GJE1: variants seen among roughly 807,000 people sequenced by gnomAD.
The protein encoded by GJE1 is gap junction protein epsilon 1, also known as gap junction epsilon-1 protein.
Under a neutral mutation model 6.2 loss-of-function variants are expected in GJE1, and 9 were observed. That is an observed-to-expected ratio of 1.45 (90% CI 0.87 to 2.52). The LOEUF is 2.52. GJE1 is among the 30% of genes most tolerant of loss of function. The pLI is 0.00. For synonymous variants in GJE1, 65 were observed against 30.1 expected (o/e 2.16, Z -3.80); for missense variants, 190 against 87.7 (o/e 2.17, Z -4.66).
intron 1 of GJE1, among the ~76,000 whole-genome samples, 179 bp downstream of exon 1, chr6:142,133,376 C>G (rs913795754): frequency 1.3e-5 from 2 of 152,062 alleles, no homozygotes; most frequent in Admixed American, 1.3e-4. Flanking sequence ...CAGGAAGTGT[C>G]TTTAGATGTT....
At chr6:142,134,236 CTAA>C (rs547485654) in intron 2 of GJE1, among the ~76,000 whole-genome samples, 192 bp downstream of exon 2, 113 of 152,146 alleles carry the variant, frequency 7.4e-4, no homozygotes, top group African/African-American at 2.6e-3. Context: ...TTATTATCTA[CTAA>C]TGTTATCATT....
chr6:142,133,808 G>A (rs569902754), intron 1 of GJE1, 42 bp from the exon 2 acceptor site: 113 of 597,426 alleles, frequency 1.9e-4, no homozygotes, highest in Admixed American at 1.0e-3. Context: ...CTCCTTTAAT[G>A]TTTGTGTTTA....
At chr6:142,134,985 C>T (rs1422284060) in exon 3 of GJE1, 1 of 473,568 alleles carries the variant, frequency 2.1e-6, no homozygotes, top group Non-Finnish European at 3.7e-6. Context: ...TTATCTTACT[C>T]AGTGAGTACA....
At chr6:142,134,607 C>A in exon 3 of GJE1, 1 of 668,290 alleles carries the variant, frequency 1.5e-6, no homozygotes, top group Non-Finnish European at 2.7e-6. Context: ...GTAAAAGCAT[C>A]AATCAAGAAT....
chr6:142,134,552 T>C, exon 3 of GJE1: 1 of 570,510 alleles, frequency 1.8e-6, no homozygotes. Flanking sequence ...TTACAACTAG[T>C]TATTGTCCTG....
At position 142,134,533 on chromosome 6, in the gene GJE1, T is replaced by C. The variant is rs1358645578; in HGVS notation, c.235-6T>C. 3 of 536,198 alleles carry C rather than the reference T, an allele frequency of 5.6e-6. No individual in the cohort carries two copies. The East Asian group carries it at 9.0e-5, about 16-fold the overall frequency. 33.2% of individuals were successfully genotyped at this position (536,198 alleles called of 1,614,324 possible). On this transcript the variant is annotated splice_region_variant and splice_polypyrimidine_tract_variant and intron_variant, in intron 2 of 2. Coordinates refer to ENST00000450456, the Ensembl canonical transcript of GJE1. The stretch of plus-strand genomic sequence containing the variant: ...AGATATTTCTGACATACTTTAGGTG[T>C]TCTAGGCATTACAACTAGTTATTGT...
exon 3 of GJE1, chr6:142,135,025 T>G: frequency 2.3e-6 from 1 of 443,842 alleles, no homozygotes; most frequent in Admixed American, 4.0e-5. Context: ...TCAATGTGTC[T>G]GAAATTTTTG....
exon 2 of GJE1, chr6:142,133,868 A>C (rs1778194596): frequency 1.4e-6 from 1 of 693,800 alleles, no homozygotes; most frequent in African/African-American, 1.8e-5. Flanking sequence ...TCCAACTGTG[A>C]TTGGTCAATT....
intron 1 of GJE1, 87 bp downstream of exon 1, chr6:142,133,284 C>T (rs1261031756): frequency 1.9e-6 from 1 of 529,122 alleles, no homozygotes; most frequent in Non-Finnish European, 3.4e-6. Flanking sequence ...TGAATAAATT[C>T]TCTACATCTA....
exon 3 of GJE1, chr6:142,134,940 G>T: frequency 3.8e-6 from 2 of 527,626 alleles, no homozygotes; most frequent in Non-Finnish European, 3.3e-6. Context: ...ATTACCTATT[G>T]TCATGCTGCA....
In GJE1 at chr6:142,134,056, A is replaced by G; in HGVS notation, c.234+12A>G. 1.5e-6 allele frequency: 1 copy of G among 660,504 alleles called. No homozygotes were observed. The highest frequency in any genetic ancestry group is 1.8e-5 in the African/African-American group (1 of 56,590). The allele number at this position is 660,504 out of a possible 1,614,324, so 40.9% of individuals were successfully genotyped here. Reference sequence around the variant, plus strand: ...AAGTAAGTTTTTCTGTGTGCACATAAACATTAACTCTACAACAAACTCATT... The same window carrying G: ...AAGTAAGTTTTTCTGTGTGCACATAGACATTAACTCTACAACAAACTCATT... On this transcript the variant is annotated intron_variant, in intron 2 of 2. Transcript: ENST00000450456.
chr6:142,135,233 T>A (rs1312683579), downstream of GJE1: 2 of 161,560 alleles, frequency 1.2e-5, no homozygotes, highest in East Asian at 3.5e-4. Flanking sequence ...TATTGTCTTT[T>A]TTTACGAAGT....
At chr6:142,134,281 A>G (rs1235416625) in intron 2 of GJE1, among the ~76,000 whole-genome samples, 4 of 152,220 alleles carry the variant, frequency 2.6e-5, no homozygotes, top group Non-Finnish European at 5.9e-5. Context: ...GATATAGACT[A>G]GCTGTCTAAT....
exon 3 of GJE1, chr6:142,134,923 C>A (rs1376705071): frequency 3.6e-6 from 2 of 550,068 alleles, no homozygotes; most frequent in Non-Finnish European, 3.2e-6. Flanking sequence ...CAGACAATGA[C>A]CAAATAATTA....
At chr6:142,133,868 A>G in exon 2 of GJE1, 1 of 693,916 alleles carries the variant, frequency 1.4e-6, no homozygotes, top group Non-Finnish European at 2.6e-6. Context: ...TCCAACTGTG[A>G]TTGGTCAATT....
downstream of GJE1, among the ~76,000 whole-genome samples, chr6:142,135,325 TAC>T (rs1778232934): frequency 6.6e-6 from 1 of 152,140 alleles, no homozygotes; most frequent in Non-Finnish European, 1.5e-5. Flanking sequence ...TGTGGAACTA[TAC>T]AGTTTTAAAT....
chr6:142,134,728 G>A, exon 3 of GJE1: 1 of 691,262 alleles, frequency 1.4e-6, no homozygotes, highest in Non-Finnish European at 2.6e-6. Flanking sequence ...TGGTTTCCAA[G>A]TAAAATCTCT....
chr6:142,134,116 G>T, intron 2 of GJE1, 72 bp downstream of exon 2: 1 of 525,318 alleles, frequency 1.9e-6, no homozygotes. Context: ...CATAATATGA[G>T]AAATACCCTA....
chr6:142,134,093 T>C (rs1778202132), intron 2 of GJE1, 49 bp downstream of exon 2: 1 of 560,666 alleles, frequency 1.8e-6, no homozygotes, highest in South Asian at 2.6e-5. Context: ...TCTCTTTAAA[T>C]GTAAAATAAT....
Sources: gnomAD v4.1 joint callset for allele counts (sites outside exome capture counted in the v4.1 genomes callset) on GRCh38, gnomAD v4.1.1 for gene constraint, MANE v1.5 for transcripts, NCBI Gene and HGNC (gene_info 2026-07-23, HGNC 2026-07-21) for gene names.